The following DLGAP2 variants were observed in gnomAD, a reference collection of about 807,000 sequenced individuals.
DLGAP2 encodes DLG associated protein 2, also known as disks large-associated protein 2.
In DLGAP2, 26 loss-of-function variants were observed where a neutral mutation model predicts 100.3. The observed-to-expected ratio is 0.26, with a 90% CI of 0.19 to 0.36. The LOEUF (loss-of-function observed/expected upper bound fraction) is 0.36, where lower values mean the gene tolerates loss of function less well. DLGAP2 is among the 10% of genes least tolerant of loss of function. The pLI is 1.00. For missense variants in DLGAP2, 1,858 were observed against 1,453.2 expected (o/e 1.28, Z -4.53); for synonymous variants, 886 against 630.1 (o/e 1.41, Z -6.08).
chr8:1,390,459 G>C (rs1371002310), intron 3 of DLGAP2, among the ~76,000 whole-genome samples: 1 of 152,144 alleles, frequency 6.6e-6, no homozygotes, highest in Non-Finnish European at 1.5e-5. Context: ...ATCAGGGTTA[G>C]TTCCAGGCCC....
At position 1,356,122 on chromosome 8, in the gene DLGAP2, C is replaced by T. The variant is rs548984499; in HGVS notation, c.106+97239C>T. Among the ~76,000 whole-genome samples the T allele has an allele frequency of 3.7e-4, 57 of 152,290 alleles. 1 individual carries two copies. In the South Asian group the frequency reaches 0.01, roughly 28 times the overall value. The stretch of plus-strand genomic sequence containing the variant: ...CAAGGTGGGCCCCACTGGGAGTTGA[C>T]GGACGGTTCGTGTGGACCTCACAGC... On this transcript the variant is annotated intron_variant, in intron 3 of 14. Transcript: ENST00000637795.
intron 1 of DLGAP2, among the ~76,000 whole-genome samples, chr8:804,874 T>G (rs1337779291): frequency 2.0e-5 from 3 of 152,152 alleles, no homozygotes; most frequent in Non-Finnish European, 4.4e-5. Context: ...TAAGTGATCC[T>G]CCCACCTCAA....
rs1422722783 is a variant in DLGAP2 at position 1,563,763 on chromosome 8, G to C, written c.1231-1920G>C. Among the ~76,000 whole-genome samples, 3 of 152,096 alleles carry C rather than the reference G, an allele frequency of 2.0e-5. 1 individual carries two copies. The highest frequency in any genetic ancestry group is 1.3e-4 in the Admixed American group (2 of 15,280). ...GAGCACTGGTGTGGCATGGCATTTA[G>C]GAATGAATACAGGGGCCTTCAGCCA... is the stretch of plus-strand genomic sequence containing the variant. On this transcript the variant is annotated intron_variant, in intron 5 of 14. Transcript: ENST00000637795.
intron 3 of DLGAP2, among the ~76,000 whole-genome samples, chr8:1,339,875 C>A (rs977951974): frequency 6.6e-6 from 1 of 152,166 alleles, no homozygotes; most frequent in African/African-American, 2.4e-5. Context: ...ATTTTTTTAT[C>A]TCTGGGATCC....
chr8:1,342,136 G>A (rs1801432737), intron 3 of DLGAP2, among the ~76,000 whole-genome samples: 1 of 151,934 alleles, frequency 6.6e-6, no homozygotes, highest in Non-Finnish European at 1.5e-5. Flanking sequence ...TACAGATGGG[G>A]TTTTACCATG....
chr8:1,520,102 A>G (rs539184792), intron 4 of DLGAP2, among the ~76,000 whole-genome samples: 30 of 152,282 alleles, frequency 2.0e-4, no homozygotes, highest in African/African-American at 7.0e-4. Context: ...CGCTGTCCCC[A>G]TCTCTGCTTC....
intron 3 of DLGAP2, among the ~76,000 whole-genome samples, chr8:1,282,039 C>T (rs1799825218): frequency 6.9e-6 from 1 of 145,404 alleles, no homozygotes; most frequent in Admixed American, 6.8e-5. Flanking sequence ...CACCATGAAC[C>T]ATCCGGACGT....
intron 3 of DLGAP2, among the ~76,000 whole-genome samples, chr8:1,500,241 C>G (rs1799674094): frequency 6.6e-6 from 1 of 152,266 alleles, no homozygotes; most frequent in Non-Finnish European, 1.5e-5. Flanking sequence ...CCCCCCTCCT[C>G]AGGCCACTCC....
intron 2 of DLGAP2, among the ~76,000 whole-genome samples, chr8:1,029,430 C>G (rs1801910954): frequency 6.6e-6 from 1 of 152,176 alleles, no homozygotes; most frequent in South Asian, 2.1e-4. Flanking sequence ...TCAGGGAAAT[C>G]AATGGAAGAG....
At chr8:1,526,911 A>G (rs976712534) in intron 4 of DLGAP2, among the ~76,000 whole-genome samples, 2 of 152,176 alleles carry the variant, frequency 1.3e-5, no homozygotes, top group African/African-American at 4.8e-5. Context: ...CACCTTGGAG[A>G]GGAGAGGGCA....
chr8:1,193,094 C>A (rs190594333), intron 2 of DLGAP2, among the ~76,000 whole-genome samples: 1 of 152,208 alleles, frequency 6.6e-6, no homozygotes, highest in African/African-American at 2.4e-5. Flanking sequence ...TGGGTTGCTT[C>A]CAAGTCTTTG....
chr8:1,329,608 C>G (rs1032637331), intron 3 of DLGAP2, among the ~76,000 whole-genome samples: 1 of 152,102 alleles, frequency 6.6e-6, no homozygotes, highest in Non-Finnish European at 1.5e-5. Flanking sequence ...GGTTCTGTGC[C>G]GGGTCCTGGG....
chr8:1,542,403 C>G (rs761586614), intron 4 of DLGAP2, among the ~76,000 whole-genome samples: 8 of 152,238 alleles, frequency 5.3e-5, no homozygotes, highest in Non-Finnish European at 8.8e-5. Flanking sequence ...CGCCTGCCCT[C>G]TCACCTACCC....
chr8:1,027,412 TCGGTGCCTGTTATTCTCCAGGTGCGGTGC>T (rs1801833409), intron 2 of DLGAP2, among the ~76,000 whole-genome samples: 1 of 117,218 alleles, frequency 8.5e-6, no homozygotes, highest in African/African-American at 3.3e-5. Context: ...GGTGGGGTGC[TCGGTGCCTGTTATTCTCCAGGTGCGGTGC>T]CAGGCGCTCG....
chr8:1,426,024 G>A (rs1448653685), intron 3 of DLGAP2, among the ~76,000 whole-genome samples: 2 of 152,222 alleles, frequency 1.3e-5, no homozygotes, highest in Non-Finnish European at 1.5e-5. Context: ...TGGGTGTGGG[G>A]TCCTCAGCAT....
rs138343337 is a variant in DLGAP2 at position 812,420 on chromosome 8, G to A, written c.18+74595G>A. Among the ~76,000 whole-genome samples the A allele has an allele frequency of 3.6e-3, 544 of 152,222 alleles. 2 individuals are homozygous for A. The highest frequency in any genetic ancestry group is 0.012 in the African/African-American group (513 of 41,538). On this transcript the variant is annotated intron_variant, in intron 1 of 14. Coordinates refer to ENST00000637795, the MANE Select transcript of DLGAP2 (RefSeq NM_001346810.2). ...TTGTGTACGGCTTCTCCCTTCTGCCGGCCCCGCCAGACTCTCAGCATTGAC... is the reference window on the plus strand; with the variant it reads ...TTGTGTACGGCTTCTCCCTTCTGCCAGCCCCGCCAGACTCTCAGCATTGAC...
intron 3 of DLGAP2, among the ~76,000 whole-genome samples, chr8:1,307,293 A>G (rs1800513079): frequency 6.6e-6 from 1 of 152,244 alleles, no homozygotes. Flanking sequence ...TTAAGGGAAT[A>G]CAAAGCTAAA....
intron 2 of DLGAP2, among the ~76,000 whole-genome samples, chr8:1,061,438 T>C (rs1269677477): frequency 6.6e-6 from 1 of 152,114 alleles, no homozygotes; most frequent in East Asian, 1.9e-4. Context: ...AAAACCACGC[T>C]GCCAGTTAGA....
intron 2 of DLGAP2, among the ~76,000 whole-genome samples, chr8:967,836 A>ACC (rs1799915075): frequency 1.2e-4 from 3 of 24,404 alleles, no homozygotes; most frequent in Admixed American, 3.5e-4. Context: ...ATATATATAT[A>ACC]TATATATATA....
Sources: allele counts gnomAD v4.1 joint callset (sites outside exome capture counted in the v4.1 genomes callset), GRCh38; gene constraint gnomAD v4.1.1; transcripts MANE v1.5; gene names NCBI Gene and HGNC (gene_info 2026-07-23, HGNC 2026-07-21).